The following ADAD1 variants were observed in gnomAD, a reference collection of about 807,000 sequenced individuals.
The protein encoded by ADAD1 is adenosine deaminase domain-containing protein 1.
Under a neutral mutation model 66.8 loss-of-function variants are expected in ADAD1, and 46 were observed. That is an observed-to-expected ratio of 0.69 (90% CI 0.54 to 0.88). ADAD1 has a LOEUF of 0.88. ADAD1 is among the 40% of genes least tolerant of loss of function. The pLI is 0.00. For synonymous variants in ADAD1, 248 were observed against 229.4 expected (o/e 1.08, Z -0.73); for missense variants, 617 against 681.8 (o/e 0.91, Z 1.06).
intron 11 of ADAD1, among the ~76,000 whole-genome samples, chr4:122,419,252 G>A (rs1274208073): frequency 3.9e-5 from 6 of 152,144 alleles, no homozygotes; most frequent in South Asian, 4.1e-4. Flanking sequence ...GCTGGAGGCC[G>A]CTATCGTTAG....
In ADAD1 at chr4:122,414,281, G is replaced by A. The variant is rs151158214; in HGVS notation, c.1250-1098G>A. ...TTCCAAATGTCTTTTTTTTTGGGGG[G>A]GGGGGTACAACTACTGTCATTATTT... On this transcript the variant is annotated intron_variant, in intron 10 of 12. Transcript: ENST00000296513. Among the ~76,000 whole-genome samples the A allele has an allele frequency of 3.2e-5, 4 of 123,900 alleles. 1 individual carries two copies. The highest frequency in any genetic ancestry group is 5.1e-5 in the Non-Finnish European group (3 of 58,352). 81.3% of individuals were successfully genotyped at this position (123,900 alleles called of 152,430 possible).
At chr4:122,420,827 C>T (rs1286114117) in intron 11 of ADAD1, among the ~76,000 whole-genome samples, 1 of 152,062 alleles carries the variant, frequency 6.6e-6, no homozygotes, top group African/African-American at 2.4e-5. Flanking sequence ...TTTTATTGAG[C>T]CAAAACTTCT....
chr4:122,399,041 C>T (rs1181867775), intron 7 of ADAD1, among the ~76,000 whole-genome samples: 1 of 152,022 alleles, frequency 6.6e-6, no homozygotes, highest in East Asian at 1.9e-4. Flanking sequence ...GAACTCTTTG[C>T]CTAAGCCAAA....
chr4:122,395,423 C>T (rs1253853186), intron 6 of ADAD1, among the ~76,000 whole-genome samples: 2 of 152,030 alleles, frequency 1.3e-5, no homozygotes, highest in Non-Finnish European at 2.9e-5. Context: ...TGGCTCACGC[C>T]TATGATCCCA....
Position 122,412,614 on chromosome 4 carries a change from G to A in ADAD1, c.1054G>A (p.Ala352Thr). ...TCCACATTCTATATCTGCATTTGAA[G>A]CCAATGAAGAACTCTGTCTCCACGT... ...LNPHSISAFE[A>T]NEELCLHVAV... Residue 352 changes from alanine to threonine, a missense_variant, in exon 10 of 13, where the codon GCC (alanine) becomes ACC (threonine). Physicochemically the swap from Ala to Thr is moderately conservative, Grantham distance 58. Coordinates refer to ENST00000296513, the MANE Select transcript of ADAD1 (RefSeq NM_139243.4). The A allele has an allele frequency of 6.2e-7, 1 of 1,613,750 alleles. No individual in the cohort carries two copies. Among genetic ancestry groups the A allele is most frequent in the Non-Finnish European group, 8.5e-7 (1 of 1,179,708 alleles).
At chr4:122,412,843 A>C in intron 10 of ADAD1, 34 bp downstream of exon 10, 8 of 1,547,176 alleles carry the variant, frequency 5.2e-6, no homozygotes, top group Non-Finnish European at 5.3e-6. Context: ...TGGGCCTCTC[A>C]CTCACTAAGC....
At chr4:122,393,538 C>G (rs2150549336) in intron 5 of ADAD1, 51 bp from the exon 6 acceptor site, 4 of 1,479,334 alleles carry the variant, frequency 2.7e-6, no homozygotes, top group Non-Finnish European at 3.6e-6. Context: ...AATACCAGCT[C>G]TTTGGAATGT....
intron 12 of ADAD1, among the ~76,000 whole-genome samples, chr4:122,427,552 T>G (rs985735544): frequency 1.1e-5 from 1 of 89,132 alleles, no homozygotes; most frequent in Non-Finnish European, 2.3e-5. Context: ...TTTTTTTTCC[T>G]GATGCGGAGT....
chr4:122,380,086 A>G lies in ADAD1; in HGVS notation c.17A>G (p.His6Arg). 1 of 1,612,652 alleles carries G rather than the reference A, an allele frequency of 6.2e-7. No homozygotes were observed. Among genetic ancestry groups the G allele is most frequent in the East Asian group, 2.2e-5 (1 of 44,870 alleles). The change falls in exon 3 of 13, where the codon CAT (histidine) becomes CGT (arginine). Residue 6 changes from histidine to arginine, a missense_variant. Physicochemically the swap from His to Arg is conservative, Grantham distance 29 (BLOSUM62 0). Coordinates refer to ENST00000296513, the MANE Select transcript of ADAD1 (RefSeq NM_139243.4). MASNN[H>R]WFQSSQVPSF... is the part of the protein sequence containing the mutation. The stretch of plus-strand genomic sequence containing the variant: ...GGTGAGAAAATGGCTAGCAACAATC[A>G]TTGGTTTCAGAGTTCGCAGGTCCCC...
At chr4:122,421,821 G>T (rs1369067881) in intron 12 of ADAD1, among the ~76,000 whole-genome samples, 1 of 151,958 alleles carries the variant, frequency 6.6e-6, no homozygotes, top group Non-Finnish European at 1.5e-5. Context: ...ATTTGAACCT[G>T]ATTTAGTAGG....
rs1229701584 is a variant in ADAD1, at chr4:122,396,283, A to G, written c.630A>G (p.Ser210=). Residue 210 remains serine (S), a synonymous_variant, in exon 7 of 13, where the codon TCA becomes TCG. Coordinates refer to ENST00000296513, the MANE Select transcript of ADAD1 (RefSeq NM_139243.4). The stretch of plus-strand genomic sequence containing the variant: ...GACATATTCAATATGCAAAGATTTC[A>G]CAGATCGTTAAAGAAAGATTTAATC... ...EGRHIQYAKI[S]QIVKERFNQL... is the part of the protein sequence containing the mutation. 2 of 1,597,156 alleles carry G rather than the reference A, an allele frequency of 1.3e-6. No homozygotes were observed. The highest frequency in any genetic ancestry group is 1.7e-6 in the Non-Finnish European group (2 of 1,173,510).
intron 12 of ADAD1, among the ~76,000 whole-genome samples, chr4:122,425,224 C>T (rs1457137316): frequency 2.0e-5 from 3 of 152,060 alleles, no homozygotes; most frequent in Non-Finnish European, 2.9e-5. Context: ...GTAGAAAACA[C>T]TCTACACAAC....
intron 5 of ADAD1, among the ~76,000 whole-genome samples, chr4:122,390,318 A>G (rs1795373176): frequency 6.6e-6 from 1 of 152,078 alleles, no homozygotes; most frequent in South Asian, 2.1e-4. Flanking sequence ...GCCTTGGAGA[A>G]TCTGATGATT....
At chr4:122,383,223 T>C (rs78861231) in intron 4 of ADAD1, among the ~76,000 whole-genome samples, 10 of 152,114 alleles carry the variant, frequency 6.6e-5, no homozygotes, top group African/African-American at 2.4e-4. Flanking sequence ...TTCCTCTCTC[T>C]CCCCACCTCC....
chr4:122,403,568 G>A (rs1796071561), intron 7 of ADAD1, among the ~76,000 whole-genome samples: 1 of 152,118 alleles, frequency 6.6e-6, no homozygotes, highest in Non-Finnish European at 1.5e-5. Context: ...CTCCTTCTTT[G>A]GAGCAGGGTG....
chr4:122,390,377 T>C (rs532961732), intron 5 of ADAD1, among the ~76,000 whole-genome samples: 1 of 152,338 alleles, frequency 6.6e-6, no homozygotes, highest in South Asian at 2.1e-4. Flanking sequence ...TGGTGTTCTC[T>C]GTATTTCCTG....
At chr4:122,415,220 GA>G (rs1796674107) in intron 10 of ADAD1, among the ~76,000 whole-genome samples, 158 bp from the exon 11 acceptor site, 1 of 152,090 alleles carries the variant, frequency 6.6e-6, no homozygotes, top group Non-Finnish European at 1.5e-5. Flanking sequence ...TTCTGATTAA[GA>G]ATATGGAGTA....
chr4:122,401,609 T>G (rs1413234836), intron 7 of ADAD1, among the ~76,000 whole-genome samples: 3 of 152,158 alleles, frequency 2.0e-5, no homozygotes, highest in Non-Finnish European at 4.4e-5. Flanking sequence ...AGTCCCCGAC[T>G]ATTATTGTGT....
chr4:122,417,850 A>T (rs1433010256), intron 11 of ADAD1, among the ~76,000 whole-genome samples: 1 of 152,212 alleles, frequency 6.6e-6, no homozygotes, highest in Non-Finnish European at 1.5e-5. Context: ...AACAAACCAG[A>T]ATACTAGGAG....
Sources: gnomAD v4.1 joint callset for allele counts (sites outside exome capture counted in the v4.1 genomes callset) on GRCh38, gnomAD v4.1.1 for gene constraint, MANE v1.5 for transcripts, NCBI Gene and HGNC (gene_info 2026-07-23, HGNC 2026-07-21) for gene names.